Variants in PALLD observed in about 807,000 individuals in gnomAD.
PALLD encodes palladin.
PALLD carries 61 observed loss-of-function variants against 123.5 expected under a neutral mutation model. The observed-to-expected ratio is 0.49, with a 90% CI of 0.40 to 0.61. PALLD has a LOEUF of 0.61. Ranked by LOEUF, PALLD falls within the 20% of genes least tolerant of loss-of-function variation. The pLI is 0.00. For synonymous variants in PALLD, 465 were observed against 496.4 expected, an observed-to-expected ratio of 0.94 and a Z score of 0.84; for missense variants, 1,273 against 1,377.0, an observed-to-expected ratio of 0.92 and a Z score of 1.20.
intron 10 of PALLD, chr4:168,829,333 G>C (rs1743869483): frequency 2.0e-5 from 3 of 152,136 alleles, no homozygotes; most frequent in Admixed American, 2.0e-4. Flanking sequence ...TTCTTTTGCT[G>C]TCTCCTCAGA....
At chr4:168,912,667 G>A (rs1048525877) in intron 15 of PALLD, among the ~76,000 whole-genome samples, 3 of 152,090 alleles carry the variant, frequency 2.0e-5, no homozygotes, top group Middle Eastern at 3.2e-3. Context: ...TGTATACAAC[G>A]TATAATGTTC....
intron 2 of PALLD, among the ~76,000 whole-genome samples, chr4:168,541,206 G>A (rs1459066113): frequency 6.6e-6 from 1 of 152,190 alleles, no homozygotes; most frequent in Non-Finnish European, 1.5e-5. Context: ...AAATATTCAG[G>A]GAGGTAACTG....
intron 10 of PALLD, among the ~76,000 whole-genome samples, chr4:168,714,836 G>A (rs1042136931): frequency 4.0e-5 from 6 of 151,498 alleles, no homozygotes; most frequent in Non-Finnish European, 5.9e-5. Context: ...AGATGTCTGG[G>A]GGAAAGAAGA....
At chr4:168,542,125 C>T (rs984362110) in intron 2 of PALLD, among the ~76,000 whole-genome samples, 4 of 152,184 alleles carry the variant, frequency 2.6e-5, no homozygotes, top group Non-Finnish European at 5.9e-5. Context: ...CTGTTATCCA[C>T]GTTTTGCAAG....
chr4:168,689,066 C>T (rs1300534398), intron 6 of PALLD, among the ~76,000 whole-genome samples: 1 of 152,148 alleles, frequency 6.6e-6, no homozygotes, highest in Admixed American at 6.5e-5. Flanking sequence ...GAAGAAAGAA[C>T]GCAATCAGAA....
chr4:168,725,214 C>T (rs578221569), intron 10 of PALLD, among the ~76,000 whole-genome samples: 3 of 152,268 alleles, frequency 2.0e-5, no homozygotes, highest in South Asian at 2.1e-4. Flanking sequence ...GTGTAGCCAT[C>T]GACTCTTCTT....
chr4:168,736,809 T>A (rs771602207), intron 10 of PALLD, among the ~76,000 whole-genome samples: 2 of 152,006 alleles, frequency 1.3e-5, no homozygotes, highest in Non-Finnish European at 2.9e-5. Context: ...CAATTGCTAG[T>A]GACCTCAGTG....
chr4:168,878,152 G>GCCCCCCCCCC lies in PALLD; in HGVS notation c.1965-12765_1965-12764insCCCCCCCCCC. On this transcript the variant is annotated intron_variant, in intron 10 of 21. Coordinates refer to ENST00000505667, the MANE Select transcript of PALLD (RefSeq NM_001166108.2). ...CCCCGTGGGGCTCCTCCTCGCCGTCGCCCCCGCCCCCGCCACCCCCGGTCT... is the reference window on the plus strand; with the variant it reads ...CCCCGTGGGGCTCCTCCTCGCCGTCGCCCCCCCCCCCCCCCGCCCCCGCCACCCCCGGTCT... 4.7e-6 allele frequency: 7 copies of GCCCCCCCCCC among 1,484,032 alleles called. No individual in the cohort carries two copies. The African/African-American group carries it at 1.0e-4, about 22-fold the overall frequency. 91.9% of individuals were successfully genotyped at this position (1,484,032 alleles called of 1,614,324 possible).
chr4:168,755,537 A>C (rs894260910), intron 10 of PALLD, among the ~76,000 whole-genome samples: 6 of 152,182 alleles, frequency 3.9e-5, no homozygotes, highest in Non-Finnish European at 7.3e-5. Context: ...TTGGAGAAAT[A>C]AACAGGAAAC....
intron 10 of PALLD, among the ~76,000 whole-genome samples, chr4:168,859,420 T>C (rs919443657): frequency 6.6e-6 from 1 of 152,174 alleles, no homozygotes; most frequent in African/African-American, 2.4e-5. Flanking sequence ...TGTCAATGGG[T>C]AGCACCGACG....
At chr4:168,784,277 A>G (rs192904746) in intron 10 of PALLD, among the ~76,000 whole-genome samples, 5 of 151,968 alleles carry the variant, frequency 3.3e-5, no homozygotes, top group Non-Finnish European at 7.4e-5. Context: ...AGGCTGCAGT[A>G]AGCTGTGATT....
chr4:168,805,679 G>GC (rs1740089249), intron 10 of PALLD, among the ~76,000 whole-genome samples: 1 of 151,960 alleles, frequency 6.6e-6, no homozygotes, highest in Admixed American at 6.6e-5. Context: ...AAACCAAGAA[G>GC]CCCCCGACTC....
intron 10 of PALLD, among the ~76,000 whole-genome samples, chr4:168,742,292 T>G (rs566715317): frequency 6.6e-6 from 1 of 152,302 alleles, no homozygotes; most frequent in East Asian, 1.9e-4. Flanking sequence ...CTATGCTGTG[T>G]CTACTCTCTC....
Position 168,823,407 on chromosome 4 carries a change from A to T in PALLD, c.1965-67515A>T, listed in dbSNP as rs150560250. ...TCAGAAATCCCTTTCTCGGCAAGGT[A>T]GTTCACGCCTAGAGTCCCAGCACTT... On this transcript the variant is annotated intron_variant, in intron 10 of 21. Coordinates refer to ENST00000505667, the MANE Select transcript of PALLD (RefSeq NM_001166108.2). Among the ~76,000 whole-genome samples, 294 of 152,304 alleles carry T rather than the reference A, an allele frequency of 1.9e-3. 1 individual carries two copies. The highest frequency in any genetic ancestry group is 0.01 in the Middle Eastern group (3 of 294).
At position 168,890,992 on chromosome 4, in the gene PALLD, G is replaced by T; in HGVS notation, c.2035G>T (p.Ala679Ser). The stretch of plus-strand genomic sequence containing the variant: ...TGAGGAAATTCAAGGCACAAAGGAT[G>T]CTGTTATTCAAGACCTGGAACGAAA... ...SDEEIQGTKD[A>S]VIQDLERKLR... Residue 679 changes from alanine to serine, a missense_variant, in exon 11 of 22, where the codon GCT becomes TCT. By Grantham distance (99) the Ala-to-Ser change is moderately conservative (BLOSUM62 1). This residue lies in a region of PALLD where 944 missense variants were observed against 954.5 expected (regional missense o/e 0.99). Coordinates refer to ENST00000505667, the MANE Select transcript of PALLD (RefSeq NM_001166108.2). The T allele has an allele frequency of 6.2e-7, 1 of 1,614,040 alleles. No individual in the cohort carries two copies. Among genetic ancestry groups the T allele is most frequent in the Non-Finnish European group, 8.5e-7 (1 of 1,179,902 alleles).
At position 168,809,477 on chromosome 4, in the gene PALLD, G is replaced by T. The variant is rs545371069; in HGVS notation, c.1965-81445G>T. On this transcript the variant is annotated intron_variant, in intron 10 of 21. Transcript: ENST00000505667. ...GTTATCCACCTAGAGAGAAACATAA[G>T]GCCATAAGAAAGAAGAAATGCTCCA... Among the ~76,000 whole-genome samples, 4 of 152,180 alleles carry T rather than the reference G, an allele frequency of 2.6e-5. No individual in the cohort carries two copies. The South Asian group carries it at 8.3e-4, about 32-fold the overall frequency.
At chr4:168,674,640 G>T (rs1031814951) in intron 3 of PALLD, among the ~76,000 whole-genome samples, 62 of 152,200 alleles carry the variant, frequency 4.1e-4, no homozygotes, top group African/African-American at 1.5e-3. Context: ...ACTGGGGTCA[G>T]CAACAGTGGA....
At chr4:168,631,111 A>C (rs1229873779) in intron 2 of PALLD, among the ~76,000 whole-genome samples, 1 of 152,202 alleles carries the variant, frequency 6.6e-6, no homozygotes, top group African/African-American at 2.4e-5. Context: ...TCCCTTTCCT[A>C]GGGGCTTACT....
chr4:168,847,386 ATG>A (rs1186988437), intron 10 of PALLD, among the ~76,000 whole-genome samples: 1 of 152,252 alleles, frequency 6.6e-6, no homozygotes, highest in African/African-American at 2.4e-5. Flanking sequence ...ATAAACCTTC[ATG>A]TACCAACATG....
Sources: gnomAD v4.1 joint callset for allele counts (sites outside exome capture counted in the v4.1 genomes callset) on GRCh38, gnomAD v4.1.1 for gene constraint, gnomAD v4.1.1 regional missense constraint, MANE v1.5 for transcripts, NCBI Gene and HGNC (gene_info 2026-07-23, HGNC 2026-07-21) for gene names.